The following POLR3A variants were observed in gnomAD, a reference collection of about 807,000 sequenced individuals.
POLR3A encodes DNA-directed RNA polymerase III subunit RPC1.
A neutral mutation model predicts 152.8 loss-of-function variants in POLR3A; 112 were observed. The ratio of observed to expected loss-of-function variants is 0.73; its 90% CI spans 0.63 to 0.86. The LOEUF (loss-of-function observed/expected upper bound fraction) is 0.86, where lower values mean the gene tolerates loss of function less well. POLR3A is among the 40% of genes least tolerant of loss of function. The pLI, the probability that POLR3A is intolerant of heterozygous loss-of-function variation, is 0.00. For missense variants in POLR3A, 1,385 were observed against 1,743.1 expected (o/e 0.79, Z 3.66); for synonymous variants, 615 against 652.1 (o/e 0.94, Z 0.87).
At chr10:77,984,069 C>T in intron 25 of POLR3A, 57 bp from the exon 26 acceptor site, 1 of 1,371,112 alleles carries the variant, frequency 7.3e-7, no homozygotes, top group Non-Finnish European at 1.0e-6. Flanking sequence ...CCTAAGAGCA[C>T]ACGACTGCTT....
rs1847580430 is a variant in POLR3A, at chr10:78,021,615, G to A, written c.1116C>T (p.Asp372=). 6.2e-7 allele frequency: 1 copy of A among 1,614,128 alleles called. No homozygotes were observed. Among genetic ancestry groups the A allele is most frequent in the Non-Finnish European group, 8.5e-7 (1 of 1,179,986 alleles). The change falls in exon 8 of 31, where the codon GAC becomes GAT. Residue 372 remains aspartate, a synonymous_variant. Transcript: ENST00000372371. ...DFSGRTVISP[D]PNLRIDEVAV... is the part of the protein sequence containing the mutation. ...CTACCTCATCAATCCGGAGGTTGGG[G>A]TCGGGCGAGATGACTGTTCTGCCAG...
In POLR3A at chr10:77,977,156, TGGACCATGACAC is replaced by T; in HGVS notation, c.*310_*321del. 1 of 381,866 alleles carries T rather than the reference TGGACCATGACAC, an allele frequency of 2.6e-6. No homozygotes were observed. 23.7% of individuals were successfully genotyped at this position (381,866 alleles called of 1,614,324 possible). Reference sequence around the variant, plus strand: ...GATGGATGTATGCAGTGAGCTGGGATGGACCATGACACCTGGCTGGGCTTTAAGTCCAGGGAA... The same window carrying T: ...GATGGATGTATGCAGTGAGCTGGGATCTGGCTGGGCTTTAAGTCCAGGGAA... On this transcript the variant is annotated 3_prime_UTR_variant, in exon 31 of 31. Transcript: ENST00000372371.
chr10:77,981,868 CAAAA>C (rs60259976), intron 28 of POLR3A, among the ~76,000 whole-genome samples: 2 of 63,844 alleles, frequency 3.1e-5, no homozygotes, highest in Non-Finnish European at 5.9e-5. Flanking sequence ...ACTAAAAATA[CAAAA>C]AAAAAAAAAA....
chr10:77,995,090 A>G (rs1438636411), intron 19 of POLR3A, among the ~76,000 whole-genome samples: 7 of 151,966 alleles, frequency 4.6e-5, no homozygotes, highest in African/African-American at 2.4e-5. Flanking sequence ...GAAATAAAAT[A>G]CTTTACAGAC....
chr10:78,024,039 C>CATCT (rs34365431), intron 5 of POLR3A, among the ~76,000 whole-genome samples: 77,342 of 151,362 alleles, frequency 0.51, 21,243 homozygotes, highest in Non-Finnish European at 0.61. Flanking sequence ...GCCTTAGTGC[C>CATCT]AGATAAACAC....
intron 23 of POLR3A, among the ~76,000 whole-genome samples, 199 bp downstream of exon 23, chr10:77,985,704 T>C (rs879720699): frequency 6.6e-6 from 1 of 152,222 alleles, no homozygotes; most frequent in African/African-American, 2.4e-5. Context: ...ACTAAGAAAT[T>C]TCCTTGCAAT....
At chr10:78,013,837 T>C in intron 10 of POLR3A, 47 bp from the exon 11 acceptor site, 1 of 1,613,164 alleles carries the variant, frequency 6.2e-7, no homozygotes, top group Non-Finnish European at 8.5e-7. Context: ...CTTAGGCATT[T>C]ATCCAAAAGC....
chr10:77,993,397 G>A (rs1847268569), intron 19 of POLR3A, 30 bp from the exon 20 acceptor site: 3 of 1,580,052 alleles, frequency 1.9e-6, no homozygotes, highest in Non-Finnish European at 2.6e-6. Flanking sequence ...AAGCTCAGCT[G>A]CTTTGAGAAG....
Position 78,019,177 on chromosome 10 carries a change from T to C in POLR3A, c.1274A>G (p.His425Arg), listed in dbSNP as rs1847553747. ...AAAAGATTACCTTTTCATCTGCGTA[T>C]GTCTCTGCTGAATGAAGTTTGCTCC... ...HPGANFIQQRHTQMKRFLKYG... is the reference protein window; with the variant it reads ...HPGANFIQQRRTQMKRFLKYG... The change falls in exon 9 of 31, where the codon CAT becomes CGT. Residue 425 changes from histidine to arginine, a missense_variant. Around this residue, in one of 7 missense-constraint regions of POLR3A, gnomAD observed 493 missense variants for 647.5 expected, o/e 0.76. Transcript: ENST00000372371. The C allele has an allele frequency of 3.1e-6, 5 of 1,612,202 alleles. No individual in the cohort carries two copies. The highest frequency in any genetic ancestry group is 3.4e-6 in the Non-Finnish European group (4 of 1,178,228).
At chr10:77,983,339 G>C (rs1847167132) in intron 26 of POLR3A, among the ~76,000 whole-genome samples, 1 of 152,350 alleles carries the variant, frequency 6.6e-6, no homozygotes, top group African/African-American at 2.4e-5. Flanking sequence ...TGATGCGTGA[G>C]AGAACGAGCT....
chr10:78,001,908 C>A (rs982867106), intron 17 of POLR3A, among the ~76,000 whole-genome samples: 5 of 152,156 alleles, frequency 3.3e-5, no homozygotes, highest in African/African-American at 1.2e-4. Context: ...CCTCAGCCTC[C>A]CAAAGTGCTG....
chr10:78,016,078 T>C (rs772184063), intron 10 of POLR3A, among the ~76,000 whole-genome samples: 14 of 152,154 alleles, frequency 9.2e-5, no homozygotes, highest in Non-Finnish European at 1.8e-4. Context: ...GCTTTACAGA[T>C]AGGAGAATCT....
intron 14 of POLR3A, 119 bp downstream of exon 14, chr10:78,009,418 T>G: frequency 1.4e-6 from 2 of 1,417,376 alleles, no homozygotes; most frequent in Non-Finnish European, 2.0e-6. Context: ...ACTTTCCACC[T>G]AAGGCTTACA....
intron 14 of POLR3A, among the ~76,000 whole-genome samples, chr10:78,009,152 CAA>C (rs59670962): frequency 0.017 from 573 of 32,962 alleles, 1 homozygote; most frequent in African/African-American, 0.036. Flanking sequence ...GACTTAGTCT[CAA>C]AAAAAAAAAA....
At chr10:78,024,797 T>C in intron 4 of POLR3A, 94 bp from the exon 5 acceptor site, 1 of 1,347,184 alleles carries the variant, frequency 7.4e-7, no homozygotes, top group Non-Finnish European at 1.1e-6. Context: ...CTGAAACTAC[T>C]ATAGCAATGA....
intron 5 of POLR3A, among the ~76,000 whole-genome samples, chr10:78,022,883 C>T (rs571329197): frequency 3.9e-5 from 6 of 152,260 alleles, no homozygotes; most frequent in African/African-American, 1.4e-4. Context: ...GGAGGCTGGG[C>T]GTAGTGGCTC....
At chr10:78,026,721 A>G (rs1253025697) in intron 1 of POLR3A, among the ~76,000 whole-genome samples, 1 of 152,074 alleles carries the variant, frequency 6.6e-6, no homozygotes, top group African/African-American at 2.4e-5. Flanking sequence ...CTCATCCTAC[A>G]CATTCTCCTG....
In POLR3A at chr10:77,982,638, C is replaced by T. The variant is rs116003372; in HGVS notation, c.3594+15G>A. 2,069 of 1,611,430 alleles carry T rather than the reference C, an allele frequency of 1.3e-3. 20 individuals carry two copies. In the African/African-American group the frequency reaches 0.022, roughly 18 times the overall value. ...GGAGATGCTGGGTCTCCATGAGAAG[C>T]GACTTCTGTTTCACCTTGGGGAGAT... On this transcript the variant is annotated intron_variant, in intron 27 of 30. Transcript: ENST00000372371.
chr10:78,024,870 G>A, intron 4 of POLR3A, 101 bp downstream of exon 4: 1 of 1,483,430 alleles, frequency 6.7e-7, no homozygotes, highest in Non-Finnish European at 9.4e-7. Context: ...TAATTTATAA[G>A]GAGAAAAGCT....
Sources: allele counts gnomAD v4.1 joint callset (sites outside exome capture counted in the v4.1 genomes callset), GRCh38; gene constraint gnomAD v4.1.1; regional missense constraint gnomAD v4.1.1; transcripts MANE v1.5; gene names NCBI Gene and HGNC (gene_info 2026-07-23, HGNC 2026-07-21).